Variants in LGR5 observed in about 807,000 individuals in gnomAD.
The protein encoded by LGR5 is leucine rich repeat containing G protein-coupled receptor 5.
In LGR5, 54 loss-of-function variants were observed where a neutral mutation model predicts 76.7. The observed-to-expected ratio is 0.70, with a 90% CI of 0.57 to 0.88. The LOEUF (loss-of-function observed/expected upper bound fraction) is 0.88. LGR5 is among the 40% of genes least tolerant of loss of function. The probability of loss-of-function intolerance (pLI) is 0.00; values close to 1 mark genes in which losing one functional copy is unlikely to be tolerated. For synonymous variants in LGR5, 406 were observed against 421.9 expected (o/e 0.96, Z 0.46); for missense variants, 1,078 against 1,073.3 (o/e 1.00, Z -0.06).
intron 1 of LGR5, among the ~76,000 whole-genome samples, chr12:71,470,537 C>T (rs532532512): frequency 1.3e-3 from 205 of 152,082 alleles, no homozygotes; most frequent in African/African-American, 4.1e-3. Flanking sequence ...TACATACACA[C>T]ATATATGTCT....
Position 71,505,362 on chromosome 12 carries a change from A to G in LGR5, c.284+677A>G, listed in dbSNP as rs1874801544. ...GATGAAAAAGAACTGTATAAATCAA[A>G]AATCTGCATTTAAAAATTCATTTGA... is the stretch of plus-strand genomic sequence containing the variant. On this transcript the variant is annotated intron_variant, in intron 2 of 17. Transcript: ENST00000266674. Among the ~76,000 whole-genome samples the G allele has an allele frequency of 2.0e-5, 3 of 152,366 alleles. No individual in the cohort carries two copies. The East Asian group carries it at 5.8e-4, about 29-fold the overall frequency.
chr12:71,584,032 G>A lies in LGR5; in HGVS notation c.2022G>A (p.Thr674=), dbSNP rs141274411. The part of the protein sequence containing the change: ...FSVKYSAKFE[T]KAPFSSLKVI... Reference sequence around the variant, plus strand: ...TGAAATATTCTGCAAAATTTGAAACGAAAGCTCCATTTTCTAGCCTGAAAG... The same window carrying A: ...TGAAATATTCTGCAAAATTTGAAACAAAAGCTCCATTTTCTAGCCTGAAAG... Residue 674 remains threonine, a synonymous_variant, in exon 18 of 18, where the codon ACG becomes ACA. Coordinates refer to ENST00000266674, the MANE Select transcript of LGR5 (RefSeq NM_003667.4). 1.2e-5 allele frequency: 19 copies of A among 1,614,088 alleles called. No individual in the cohort carries two copies. In the African/African-American group the frequency reaches 1.2e-4, roughly 10 times the overall value.
intron 1 of LGR5, among the ~76,000 whole-genome samples, chr12:71,474,382 A>T (rs1326197408): frequency 6.6e-6 from 1 of 152,324 alleles, no homozygotes; most frequent in East Asian, 1.9e-4. Context: ...GATAAGAAAA[A>T]TTAAAATTCT....
Position 71,583,976 on chromosome 12 carries a change from A to C in LGR5, c.1966A>C (p.Thr656Pro), listed in dbSNP as rs747077860. ...FASESSVFLL[T>P]LAALERGFSV... The stretch of plus-strand genomic sequence containing the variant: ...TTCAGAATCATCTGTTTTCCTGCTT[A>C]CTCTGGCAGCCCTGGAGCGTGGGTT... The change falls in exon 18 of 18, where the codon ACT (threonine) becomes CCT (proline). Residue 656 changes from threonine (T) to proline (P), a missense_variant. Coordinates refer to ENST00000266674, the MANE Select transcript of LGR5 (RefSeq NM_003667.4). 2 of 1,613,906 alleles carry C rather than the reference A, an allele frequency of 1.2e-6. No homozygotes were observed. Among genetic ancestry groups the C allele is most frequent in the African/African-American group, 1.3e-5 (1 of 74,836 alleles).
intron 2 of LGR5, among the ~76,000 whole-genome samples, chr12:71,512,792 T>C (rs1875227366): frequency 6.6e-6 from 1 of 152,192 alleles, no homozygotes; most frequent in Non-Finnish European, 1.5e-5. Flanking sequence ...GTTCTGGATA[T>C]ACTAAGTGCA....
At chr12:71,521,604 G>A (rs1565716795) in intron 2 of LGR5, among the ~76,000 whole-genome samples, 1 of 152,192 alleles carries the variant, frequency 6.6e-6, no homozygotes, top group Non-Finnish European at 1.5e-5. Flanking sequence ...CACTTAATCA[G>A]GTTTAGATGC....
chr12:71,554,600 A>G (rs1256748779), intron 5 of LGR5, among the ~76,000 whole-genome samples: 1 of 152,240 alleles, frequency 6.6e-6, no homozygotes, highest in African/African-American at 2.4e-5. Flanking sequence ...AAGATAAACT[A>G]TAAACTAAAT....
At position 71,440,379 on chromosome 12, in the gene LGR5, C is replaced by T. The variant is rs1175689230; in HGVS notation, c.212+87C>T. 5 of 1,331,526 alleles carry T rather than the reference C, an allele frequency of 3.8e-6. No individual in the cohort carries two copies. The highest frequency in any genetic ancestry group is 1.2e-5 in the South Asian group (1 of 82,900). 82.5% of individuals were successfully genotyped at this position (1,331,526 alleles called of 1,614,324 possible). A position where few individuals can be genotyped will look rare whatever the true frequency, so the allele number is the denominator to read the frequency against. ...GGCGAGGCTGGAGGCTCCTCGGCGCCCGCCTGCTCGTGGGGGAGGGGGGCG... is the reference window on the plus strand; with the variant it reads ...GGCGAGGCTGGAGGCTCCTCGGCGCTCGCCTGCTCGTGGGGGAGGGGGGCG... On this transcript the variant is annotated intron_variant, in intron 1 of 17. Transcript: ENST00000266674. The surrounding 1 kb of genome is among the most constrained non-coding windows in gnomAD (Gnocchi z 5.3).
chr12:71,460,676 G>A (rs553481200), intron 1 of LGR5, among the ~76,000 whole-genome samples: 42 of 152,156 alleles, frequency 2.8e-4, no homozygotes, highest in African/African-American at 8.4e-4. Flanking sequence ...TCCCTGAACC[G>A]GTGGAAAAGT....
chr12:71,573,029 G>A (rs888553946), intron 13 of LGR5, 108 bp downstream of exon 13: 4 of 732,822 alleles, frequency 5.5e-6, no homozygotes, highest in South Asian at 4.1e-5. Flanking sequence ...TGGGACTTTT[G>A]TGCATATATT....
intron 1 of LGR5, among the ~76,000 whole-genome samples, chr12:71,454,794 C>T (rs1872395323): frequency 6.6e-6 from 1 of 151,558 alleles, no homozygotes; most frequent in Admixed American, 6.6e-5. Flanking sequence ...CACACACACA[C>T]ACACACAAAC....
At chr12:71,523,129 C>A (rs965597411) in intron 2 of LGR5, among the ~76,000 whole-genome samples, 1 of 152,054 alleles carries the variant, frequency 6.6e-6, no homozygotes, top group Non-Finnish European at 1.5e-5. Flanking sequence ...TTTAAATATT[C>A]ATTTATAGTA....
At chr12:71,561,744 C>G (rs1454860886) in intron 7 of LGR5, 37 bp from the exon 8 acceptor site, 2 of 1,309,624 alleles carry the variant, frequency 1.5e-6, no homozygotes, top group African/African-American at 3.0e-5. Context: ...AATTTTACCC[C>G]ACACAGGATT....
Position 71,586,027 on chromosome 12 carries a change from T to C in LGR5, c.*1293T>C, listed in dbSNP as rs1176197999. The C allele has an allele frequency of 6.6e-6, 1 of 152,164 alleles. No individual in the cohort carries two copies. The highest frequency in any genetic ancestry group is 2.4e-5 in the African/African-American group (1 of 41,452). 9.4% of individuals were successfully genotyped at this position (152,164 alleles called of 1,614,324 possible). On this transcript the variant is annotated 3_prime_UTR_variant, in exon 18 of 18. Transcript: ENST00000266674. ...TTTATTTTGATCAGATGTTTTAACT[T>C]GGATTTGAAAAAATACATTTATGAG...
intron 1 of LGR5, among the ~76,000 whole-genome samples, chr12:71,460,231 G>A (rs1310179557): frequency 6.6e-6 from 1 of 152,034 alleles, no homozygotes; most frequent in Non-Finnish European, 1.5e-5. Context: ...CTGAACATGA[G>A]ACAACAGTGA....
At chr12:71,524,031 T>C (rs566967740) in intron 2 of LGR5, among the ~76,000 whole-genome samples, 1 of 152,342 alleles carries the variant, frequency 6.6e-6, no homozygotes, top group South Asian at 2.1e-4. Context: ...ATCTATTTTA[T>C]CTTACAAAGA....
intron 1 of LGR5, among the ~76,000 whole-genome samples, chr12:71,482,619 T>A (rs1475335135): frequency 6.6e-6 from 1 of 152,108 alleles, no homozygotes; most frequent in Admixed American, 6.5e-5. Context: ...TATAAAAGCC[T>A]AGAAAAGTAT....
At chr12:71,466,503 A>T (rs963143639) in intron 1 of LGR5, among the ~76,000 whole-genome samples, 11 of 152,208 alleles carry the variant, frequency 7.2e-5, no homozygotes, top group African/African-American at 2.7e-4. Flanking sequence ...GAAGATGAAG[A>T]AATGAAAAGT....
rs780252667 is a variant in LGR5 at position 71,583,886 on chromosome 12, C to T, written c.1876C>T (p.Arg626Ter). The T allele has an allele frequency of 9.9e-6, 16 of 1,613,962 alleles. No individual in the cohort carries two copies. The highest frequency in any genetic ancestry group is 3.3e-5 in the South Asian group (3 of 91,084). ...TGCGTTCACTTTTGGCAGCTTTGCA[C>T]GACATGGTGCCTGGTGGGAGAATGG... ...VDAFTFGSFA[R>*]HGAWWENGVG... The change falls in exon 18 of 18, where the codon CGA (arginine) becomes TGA (stop). Residue 626 changes from arginine to a stop codon, truncating the protein, a stop_gained. Transcript: ENST00000266674. LOFTEE classifies it low-confidence loss of function (END_TRUNC).
Sources: allele counts gnomAD v4.1 joint callset (sites outside exome capture counted in the v4.1 genomes callset), GRCh38; gene constraint gnomAD v4.1.1; non-coding constraint Gnocchi (gnomAD v3.1); transcripts MANE v1.5; gene names NCBI Gene and HGNC (gene_info 2026-07-23, HGNC 2026-07-21).